DMRT1: variants seen among roughly 807,000 people sequenced by gnomAD.
DMRT1 encodes doublesex and mab-3 related transcription factor 1.
In DMRT1, 7 loss-of-function variants were observed where a neutral mutation model predicts 32.3. The ratio of observed to expected loss-of-function variants is 0.22; its 90% CI spans 0.12 to 0.41. DMRT1 has a LOEUF of 0.41. Among genes scored for constraint, DMRT1 ranks in the 10% least tolerant of loss-of-function variants. DMRT1 has a pLI of 1.00. For synonymous variants in DMRT1, 278 were observed against 206.1 expected, an observed-to-expected ratio of 1.35 and a Z score of -2.99; for missense variants, 625 against 500.5, an observed-to-expected ratio of 1.25 and a Z score of -2.37.
At chr9:960,618 A>G (rs953667224) in intron 4 of DMRT1, among the ~76,000 whole-genome samples, 5 of 152,330 alleles carry the variant, frequency 3.3e-5, no homozygotes, top group African/African-American at 1.2e-4. Flanking sequence ...TGTGGATGGC[A>G]GAGCTCCTGG....
intron 2 of DMRT1, among the ~76,000 whole-genome samples, chr9:874,546 T>C (rs1164905889): frequency 6.6e-6 from 1 of 152,174 alleles, no homozygotes; most frequent in Non-Finnish European, 1.5e-5. Flanking sequence ...GATATTCTTG[T>C]TAATGATGGC....
In DMRT1 at chr9:851,045, A is replaced by G. The variant is rs10977076; in HGVS notation, c.538+3902A>G. Among the ~76,000 whole-genome samples the G allele has an allele frequency of 5.7e-4, 8 of 14,156 alleles. 1 individual carries two copies. Among genetic ancestry groups the G allele is most frequent in the East Asian group, 2.7e-3 (1 of 368 alleles). 9.3% of individuals were successfully genotyped at this position (14,156 alleles called of 152,430 possible). A position where few individuals can be genotyped will look rare whatever the true frequency, so the allele number is the denominator to read the frequency against. ...CTCTATCTCAAAAAAAAAAAAAAAA[A>G]GAAAGAAAAATAGACGTGGAAGGCT... On this transcript the variant is annotated intron_variant, in intron 2 of 4. Coordinates refer to ENST00000382276, the MANE Select transcript of DMRT1 (RefSeq NM_021951.3).
At chr9:884,292 C>T (rs907377479) in intron 2 of DMRT1, among the ~76,000 whole-genome samples, 1 of 150,192 alleles carries the variant, frequency 6.7e-6, no homozygotes, top group Non-Finnish European at 1.5e-5. Flanking sequence ...ACTCCACGAT[C>T]AGTAAGGGTA....
chr9:896,285 CTTTTTTTTT>C (rs1195951813), intron 3 of DMRT1, among the ~76,000 whole-genome samples: 2 of 121,768 alleles, frequency 1.6e-5, no homozygotes, highest in African/African-American at 3.0e-5. Flanking sequence ...CTTGTCTTTT[CTTTTTTTTT>C]TTTTTTTTTC....
At position 968,109 on chromosome 9, in the gene DMRT1, A is replaced by C. The variant is rs1390781202; in HGVS notation, c.1092A>C (p.Thr364=). The C allele has an allele frequency of 6.2e-7, 1 of 1,614,100 alleles. No homozygotes were observed. The highest frequency in any genetic ancestry group is 1.7e-5 in the Admixed American group (1 of 60,018). ...CEPASEPSSF[T]VTPVIEEDE Reference sequence around the variant, plus strand: ...CTGCGTCGGAGCCCAGCAGCTTCACAGTCACTCCCGTCATCGAGGAGGACG... The same window carrying C: ...CTGCGTCGGAGCCCAGCAGCTTCACCGTCACTCCCGTCATCGAGGAGGACG... Residue 364 remains threonine (T), a synonymous_variant, in exon 5 of 5, where the codon ACA becomes ACC. Coordinates refer to ENST00000382276, the MANE Select transcript of DMRT1 (RefSeq NM_021951.3).
chr9:843,076 T>C (rs1240164753), intron 1 of DMRT1: 1 of 152,226 alleles, frequency 6.6e-6, no homozygotes, highest in African/African-American at 2.4e-5. Flanking sequence ...GACCGCGCCT[T>C]GGGAGCAGAG....
rs111255826 is a variant in DMRT1 at position 918,677 on chromosome 9, C to G, written c.967+1770C>G. ...CTTAACTTCCTGGTACCCTGCTAAC[C>G]CACTAACAGTTAAGTAGGAGGCCCA... On this transcript the variant is annotated intron_variant, in intron 4 of 4. Coordinates refer to ENST00000382276, the MANE Select transcript of DMRT1 (RefSeq NM_021951.3). 2.8e-3 allele frequency among the ~76,000 whole-genome samples: 433 copies of G among 151,998 alleles called. 3 individuals carry two copies. The highest frequency in any genetic ancestry group is 9.9e-3 in the African/African-American group (411 of 41,420).
At chr9:905,488 C>CTGTGTGTGTGTGTGTG (rs57056050) in intron 3 of DMRT1, among the ~76,000 whole-genome samples, 225 of 147,830 alleles carry the variant, frequency 1.5e-3, no homozygotes, top group African/African-American at 3.5e-3. Context: ...GTGTGTGTGT[C>CTGTGTGTGTGTGTGTG]TGTGTGTGTG....
chr9:859,733 C>T (rs1564202096), intron 2 of DMRT1, among the ~76,000 whole-genome samples: 2 of 152,130 alleles, frequency 1.3e-5, no homozygotes, highest in Non-Finnish European at 2.9e-5. Flanking sequence ...TGTACAATAC[C>T]ACTGAACATG....
chr9:870,347 C>T (rs976110499), intron 2 of DMRT1, among the ~76,000 whole-genome samples: 18 of 152,068 alleles, frequency 1.2e-4, no homozygotes, highest in Non-Finnish European at 2.2e-4. Flanking sequence ...TGCAGTGAGC[C>T]GAGATCATGC....
At chr9:907,827 ATATGTG>A (rs757676124) in intron 3 of DMRT1, among the ~76,000 whole-genome samples, 16 of 58,230 alleles carry the variant, frequency 2.7e-4, no homozygotes, top group East Asian at 1.9e-3. Context: ...TCTAAAATAT[ATATGTG>A]TGTGTGTGTG....
chr9:846,157 G>A (rs966595309), intron 1 of DMRT1, among the ~76,000 whole-genome samples: 24 of 150,664 alleles, frequency 1.6e-4, no homozygotes, highest in Admixed American at 1.4e-3. Flanking sequence ...TCAGCCTCCC[G>A]AGTAGCTGGG....
intron 2 of DMRT1, among the ~76,000 whole-genome samples, chr9:869,831 T>A (rs1816153801): frequency 6.6e-6 from 1 of 152,216 alleles, no homozygotes; most frequent in Non-Finnish European, 1.5e-5. Flanking sequence ...TTGGTTTATA[T>A]TAGCTATTAA....
Position 935,918 on chromosome 9 carries a change from A to C in DMRT1, c.967+19011A>C, listed in dbSNP as rs147151045. ...TGAAACCAGAGAGGAAATTCTGTGTATTGTTAGGTAGAAAAGTGCCACCTA... is the reference window on the plus strand; with the variant it reads ...TGAAACCAGAGAGGAAATTCTGTGTCTTGTTAGGTAGAAAAGTGCCACCTA... On this transcript the variant is annotated intron_variant, in intron 4 of 4. Coordinates refer to ENST00000382276, the MANE Select transcript of DMRT1 (RefSeq NM_021951.3). Among the ~76,000 whole-genome samples the C allele has an allele frequency of 5.3e-5, 8 of 152,290 alleles. No individual in the cohort carries two copies. In the East Asian group the frequency reaches 1.4e-3, roughly 26 times the overall value.
chr9:901,966 G>A (rs1564237575), intron 3 of DMRT1, among the ~76,000 whole-genome samples: 1 of 142,552 alleles, frequency 7.0e-6, no homozygotes, highest in Admixed American at 7.2e-5. Flanking sequence ...AGGCTAGAGT[G>A]CAGTGATGCG....
chr9:846,414 C>G (rs1344539503), intron 1 of DMRT1, among the ~76,000 whole-genome samples: 1 of 152,100 alleles, frequency 6.6e-6, no homozygotes, highest in African/African-American at 2.4e-5. Flanking sequence ...TGGCCTTTTA[C>G]AAGTTTATGG....
Position 879,439 on chromosome 9 carries a change from G to A in DMRT1, c.539-14473G>A, listed in dbSNP as rs78192332. On this transcript the variant is annotated intron_variant, in intron 2 of 4. Transcript: ENST00000382276. ...TCACATTTTTGCAAATCTCTTTTAC[G>A]TTTGGCTTAATAGGATGTAGGTGGG... Among the ~76,000 whole-genome samples, 1,241 of 152,024 alleles carry A rather than the reference G, an allele frequency of 8.2e-3. 9 individuals carry two copies. The highest frequency in any genetic ancestry group is 0.011 in the Non-Finnish European group (751 of 68,008).
intron 4 of DMRT1, among the ~76,000 whole-genome samples, chr9:963,071 TG>T: frequency 6.6e-6 from 1 of 152,338 alleles, no homozygotes; most frequent in Admixed American, 6.5e-5. Context: ...ATGTACTTTC[TG>T]TTAAGTTCAC....
At chr9:868,259 G>C (rs72699226) in intron 2 of DMRT1, among the ~76,000 whole-genome samples, 32,850 of 152,164 alleles carry the variant, frequency 0.22, 4,098 homozygotes, top group East Asian at 0.41. Flanking sequence ...GATTACAGGC[G>C]TGACCACTGC....
Sources: allele counts gnomAD v4.1 joint callset (sites outside exome capture counted in the v4.1 genomes callset), GRCh38; gene constraint gnomAD v4.1.1; transcripts MANE v1.5; gene names NCBI Gene and HGNC (gene_info 2026-07-23, HGNC 2026-07-21).